The following CDH22 variants were observed in gnomAD, a reference collection of about 807,000 sequenced individuals.
CDH22 encodes the protein cadherin-22.
CDH22 carries 30 observed loss-of-function variants against 58.4 expected under a neutral mutation model. The observed-to-expected ratio is 0.51, with a 90% CI of 0.38 to 0.70. CDH22 has a LOEUF of 0.70. Ranked by LOEUF, CDH22 falls within the 30% of genes least tolerant of loss-of-function variation. The pLI is 0.00. For missense variants in CDH22, 1,014 were observed against 1,233.9 expected (o/e 0.82, Z 2.67); for synonymous variants, 513 against 558.2 (o/e 0.92, Z 1.14).
Position 46,190,120 on chromosome 20 carries a change from C to T in CDH22, c.1424-3173G>A, listed in dbSNP as rs145009804. On this transcript the variant is annotated intron_variant, in intron 8 of 11. Coordinates refer to ENST00000537909, the MANE Select transcript of CDH22 (RefSeq NM_021248.3). ...AATGGAAAATAATCGTATTTTGCCA[C>T]CTTAAATGTTTCTGGGATAAAACAA... Among the ~76,000 whole-genome samples, 692 of 152,290 alleles carry T rather than the reference C, an allele frequency of 4.5e-3. 8 individuals are homozygous for T. The highest frequency in any genetic ancestry group is 0.016 in the African/African-American group (659 of 41,558).
chr20:46,229,807 G>C (rs2086206594), intron 3 of CDH22, among the ~76,000 whole-genome samples: 1 of 152,086 alleles, frequency 6.6e-6, no homozygotes, highest in Non-Finnish European at 1.5e-5. Context: ...AGTGGCTGTT[G>C]TAATTGTTAT....
At position 46,174,488 on chromosome 20, in the gene CDH22, C is replaced by G; in HGVS notation, c.*18G>C. On this transcript the variant is annotated 3_prime_UTR_variant, in exon 12 of 12. Coordinates refer to ENST00000537909, the MANE Select transcript of CDH22 (RefSeq NM_021248.3). This position sits in a 1 kb window ranked among gnomAD's most constrained non-coding sequence, Gnocchi z 4.4. ...GCTGGGCGGGTGAGCAGCCGCGCCC[C>G]GACGGCAGGGCGAGGGGCTAGGAGG... 1 of 1,450,484 alleles carries G rather than the reference C, an allele frequency of 6.9e-7. No individual in the cohort carries two copies. Among genetic ancestry groups the G allele is most frequent in the Admixed American group, 2.7e-5 (1 of 37,454 alleles). The allele number at this position is 1,450,484 out of a possible 1,614,324, so 89.9% of individuals were successfully genotyped here.
At chr20:46,223,208 GTCACCA>G (rs2086138909) in intron 4 of CDH22, among the ~76,000 whole-genome samples, 1 of 152,148 alleles carries the variant, frequency 6.6e-6, no homozygotes, top group South Asian at 2.1e-4. Context: ...CCTCCCAGTT[GTCACCA>G]TCTTCTGGGC....
At position 46,247,583 on chromosome 20, in the gene CDH22, G is replaced by A. The variant is rs138195288; in HGVS notation, c.255+3457C>T. Among the ~76,000 whole-genome samples the A allele has an allele frequency of 3.9e-3, 593 of 152,208 alleles. 5 individuals are homozygous for A. The highest frequency in any genetic ancestry group is 9.9e-3 in the Admixed American group (151 of 15,282). On this transcript the variant is annotated intron_variant, in intron 2 of 11. Coordinates refer to ENST00000537909, the MANE Select transcript of CDH22 (RefSeq NM_021248.3). ...TATGGGAGGATGTGCATAGGTTATC[G>A]GCAAATGTTATGCTATTTTATATTG...
chr20:46,262,722 G>C (rs1197506417), intron 1 of CDH22, among the ~76,000 whole-genome samples: 1 of 152,146 alleles, frequency 6.6e-6, no homozygotes, highest in Non-Finnish European at 1.5e-5. Flanking sequence ...GTCTGGATTT[G>C]AACTCTGATC....
chr20:46,291,295 A>C (rs1375311951), intron 1 of CDH22, among the ~76,000 whole-genome samples: 1 of 152,144 alleles, frequency 6.6e-6, no homozygotes, highest in African/African-American at 2.4e-5. Context: ...ATAAATAAAT[A>C]AATAAAACAA....
chr20:46,235,304 C>T (rs907458919), intron 3 of CDH22, among the ~76,000 whole-genome samples: 2 of 152,172 alleles, frequency 1.3e-5, no homozygotes, highest in African/African-American at 4.8e-5. Flanking sequence ...TTGTGACAGC[C>T]TAGGGAAGGG....
At chr20:46,274,306 G>A (rs567344836) in intron 1 of CDH22, among the ~76,000 whole-genome samples, 68 of 151,982 alleles carry the variant, frequency 4.5e-4, no homozygotes, top group Non-Finnish European at 7.2e-4. Flanking sequence ...TTGCAGCCAG[G>A]GTTTCCCTGG....
intron 1 of CDH22, among the ~76,000 whole-genome samples, chr20:46,279,538 A>G (rs946499754): frequency 6.6e-6 from 1 of 152,246 alleles, no homozygotes; most frequent in African/African-American, 2.4e-5. Context: ...AGAGTGATAC[A>G]TCAGTATGAA....
Position 46,241,032 on chromosome 20 carries a change from T to C in CDH22, c.481A>G (p.Ile161Val). 6.2e-7 allele frequency: 1 copy of C among 1,614,068 alleles called. No individual in the cohort carries two copies. The highest frequency in any genetic ancestry group is 8.5e-7 in the Non-Finnish European group (1 of 1,179,990). The part of the protein sequence containing the change: ...ESEFIIKVQD[I>V]NDSEPRFLHG... The stretch of plus-strand genomic sequence containing the variant: ...AGGAAGCGGGGCTCACTGTCATTGA[T>C]GTCCTGCACCTTGATGATGAACTCC... The change falls in exon 3 of 12, where the codon ATC (isoleucine) becomes GTC (valine). Residue 161 changes from isoleucine (I) to valine (V), a missense_variant. Physicochemically the swap from Ile to Val is conservative, Grantham distance 29 (BLOSUM62 3). Coordinates refer to ENST00000537909, the MANE Select transcript of CDH22 (RefSeq NM_021248.3). The surrounding 1 kb of genome is among the most constrained non-coding windows in gnomAD (Gnocchi z 5.2).
chr20:46,255,825 C>T (rs1279394466), intron 1 of CDH22, among the ~76,000 whole-genome samples: 3 of 152,210 alleles, frequency 2.0e-5, no homozygotes, highest in Non-Finnish European at 2.9e-5. Context: ...GCTGTGGAGT[C>T]CTGCAGCTGC....
chr20:46,264,208 T>A (rs182047146), intron 1 of CDH22, among the ~76,000 whole-genome samples: 1 of 152,276 alleles, frequency 6.6e-6, no homozygotes, highest in Non-Finnish European at 1.5e-5. Context: ...AAGTAAGTTA[T>A]CATTATCCCC....
chr20:46,178,974 G>A (rs895451764), intron 10 of CDH22, among the ~76,000 whole-genome samples: 1 of 152,216 alleles, frequency 6.6e-6, no homozygotes, highest in Non-Finnish European at 1.5e-5. Context: ...AAACACAAAT[G>A]GAACTCATGG....
At chr20:46,274,245 T>C (rs1600723724) in intron 1 of CDH22, among the ~76,000 whole-genome samples, 1 of 151,418 alleles carries the variant, frequency 6.6e-6, no homozygotes, top group Non-Finnish European at 1.5e-5. Context: ...GAGGGAGGGG[T>C]AGGGATATGA....
intron 7 of CDH22, among the ~76,000 whole-genome samples, chr20:46,204,763 G>T (rs1186520684): frequency 6.6e-6 from 1 of 152,180 alleles, no homozygotes; most frequent in African/African-American, 2.4e-5. Context: ...TTCTGTGTTA[G>T]CAACAGCACA....
At chr20:46,200,188 A>G (rs373684725) in intron 7 of CDH22, among the ~76,000 whole-genome samples, 4 of 151,080 alleles carry the variant, frequency 2.6e-5, no homozygotes, top group Non-Finnish European at 4.4e-5. Context: ...GTTAGCCAGG[A>G]TGGTCTTGAT....
intron 8 of CDH22, among the ~76,000 whole-genome samples, chr20:46,198,910 C>T (rs559705196): frequency 3.3e-5 from 5 of 152,294 alleles, no homozygotes; most frequent in Non-Finnish European, 5.9e-5. Context: ...AGAGAAGCAA[C>T]GCACCTCCTC....
At position 46,251,501 on chromosome 20, in the gene CDH22, C is replaced by T. The variant is rs2086375823; in HGVS notation, c.-207G>A. ...TACCCGGCTGGAGGGGGAGGGGGCG[C>T]GGCCGCATCCGGGGCATGGACAGCC... On this transcript the variant is annotated 5_prime_UTR_variant, in exon 2 of 12. Transcript: ENST00000537909. The surrounding 1 kb of genome is among the most constrained non-coding windows in gnomAD (Gnocchi z 6.7). 1 of 436,418 alleles carries T rather than the reference C, an allele frequency of 2.3e-6. No homozygotes were observed. Among genetic ancestry groups the T allele is most frequent in the Non-Finnish European group, 3.7e-6 (1 of 269,858 alleles). The allele number at this position is 436,418 out of a possible 1,614,324, so 27.0% of individuals were successfully genotyped here.
intron 1 of CDH22, among the ~76,000 whole-genome samples, chr20:46,270,867 G>A (rs2086484335): frequency 6.6e-6 from 1 of 152,204 alleles, no homozygotes; most frequent in African/African-American, 2.4e-5. Context: ...TGGACTTCCA[G>A]CTTTGTTGCT....
Sources: allele counts gnomAD v4.1 joint callset (sites outside exome capture counted in the v4.1 genomes callset), GRCh38; gene constraint gnomAD v4.1.1; non-coding constraint Gnocchi (gnomAD v3.1); transcripts MANE v1.5; gene names NCBI Gene and HGNC (gene_info 2026-07-23, HGNC 2026-07-21).